Variants in AGAP1 observed in about 807,000 individuals in gnomAD.
AGAP1 encodes the protein arf-GAP with GTPase, ANK repeat and PH domain-containing protein 1.
A neutral mutation model predicts 105.3 loss-of-function variants in AGAP1; 29 were observed. The ratio of observed to expected loss-of-function variants is 0.28; its 90% CI spans 0.21 to 0.38. The LOEUF is 0.38. Among genes scored for constraint, AGAP1 ranks in the 10% least tolerant of loss-of-function variants. The pLI is 1.00. For missense variants in AGAP1, 998 were observed against 1,165.1 expected (o/e 0.86, Z 2.09); for synonymous variants, 509 against 485.9 (o/e 1.05, Z -0.63).
rs1275079702 is a variant in AGAP1 at position 235,635,346 on chromosome 2, G to A, written c.164-73833G>A. 1.3e-5 allele frequency among the ~76,000 whole-genome samples: 2 copies of A among 152,168 alleles called. No individual in the cohort carries two copies. The highest frequency in any genetic ancestry group is 4.8e-5 in the African/African-American group (2 of 41,442). The stretch of plus-strand genomic sequence containing the variant: ...AGCTGCGCACAGTCTCCTTGTACAA[G>A]CAGGACATTTCTCCGTTTCTCCTTT... On this transcript the variant is annotated intron_variant, in intron 1 of 17. Coordinates refer to ENST00000304032, the MANE Select transcript of AGAP1 (RefSeq NM_001037131.3). The surrounding 1 kb of genome is among the most constrained non-coding windows in gnomAD (Gnocchi z 5.3).
rs1195084516 is a variant in AGAP1, at chr2:236,096,477, G to C, written c.2115-23715G>C. Among the ~76,000 whole-genome samples, 2 of 151,588 alleles carry C rather than the reference G, an allele frequency of 1.3e-5. No individual in the cohort carries two copies. Among genetic ancestry groups the C allele is most frequent in the Admixed American group, 6.6e-5 (1 of 15,210 alleles). ...GATCGCACCACTGCACTCCAGCCTTGGGGACAGAGTGAGCCTCCATCTCAA... is the reference window on the plus strand; with the variant it reads ...GATCGCACCACTGCACTCCAGCCTTCGGGACAGAGTGAGCCTCCATCTCAA... On this transcript the variant is annotated intron_variant, in intron 16 of 17. Transcript: ENST00000304032. The surrounding 1 kb of genome is among the most constrained non-coding windows in gnomAD (Gnocchi z 4.4).
rs574921999 is a variant in AGAP1 at position 235,843,451 on chromosome 2, A to T, written c.1050+36120A>T. Among the ~76,000 whole-genome samples, 1 of 151,938 alleles carries T rather than the reference A, an allele frequency of 6.6e-6. No homozygotes were observed. The highest frequency in any genetic ancestry group is 1.5e-5 in the Non-Finnish European group (1 of 67,984). On this transcript the variant is annotated intron_variant, in intron 9 of 17. Transcript: ENST00000304032. The surrounding 1 kb of genome is among the most constrained non-coding windows in gnomAD (Gnocchi z 5.9). ...GGCCCCACTTTCTTCCTGGAAAGGT[A>T]TTTTCTGGGGCCAGGGAGCAATGTT... is the stretch of plus-strand genomic sequence containing the variant.
intron 7 of AGAP1, among the ~76,000 whole-genome samples, chr2:235,798,237 A>G (rs913699429): frequency 3.3e-5 from 5 of 152,156 alleles, no homozygotes; most frequent in African/African-American, 1.2e-4. Flanking sequence ...TTAATGGCCA[A>G]TCTCGCTTTA....
At chr2:235,624,252 C>T (rs189841259) in intron 1 of AGAP1, among the ~76,000 whole-genome samples, 132 of 152,308 alleles carry the variant, frequency 8.7e-4, no homozygotes, top group African/African-American at 2.9e-3. Flanking sequence ...GTATGTTGTG[C>T]GTGTTGGTGT....
chr2:236,048,485 A>G (rs1271654839), intron 15 of AGAP1, among the ~76,000 whole-genome samples: 4 of 152,356 alleles, frequency 2.6e-5, no homozygotes, highest in Middle Eastern at 3.4e-3. Flanking sequence ...TTCAGTAGCT[A>G]TAGTTAAATA....
At chr2:235,671,445 C>T (rs956688348) in intron 1 of AGAP1, among the ~76,000 whole-genome samples, 6 of 152,192 alleles carry the variant, frequency 3.9e-5, no homozygotes, top group African/African-American at 1.2e-4. Flanking sequence ...CGCCGCCGCA[C>T]AGGTGCGGCT....
intron 16 of AGAP1, among the ~76,000 whole-genome samples, chr2:236,060,068 G>A (rs1259205233): frequency 1.3e-5 from 2 of 152,166 alleles, no homozygotes; most frequent in African/African-American, 4.8e-5. Context: ...TCCAGCCTGG[G>A]TGACAGAGCA....
At chr2:235,917,165 TC>T (rs952589384) in intron 11 of AGAP1, among the ~76,000 whole-genome samples, 3 of 151,768 alleles carry the variant, frequency 2.0e-5, no homozygotes, top group African/African-American at 4.8e-5. Context: ...CTCCTCTACA[TC>T]CCCCCCTTCC....
intron 16 of AGAP1, among the ~76,000 whole-genome samples, chr2:236,077,859 A>G (rs897032853): frequency 1.3e-5 from 2 of 152,186 alleles, no homozygotes; most frequent in Admixed American, 6.5e-5. Flanking sequence ...TATTGATCCA[A>G]CATCACTGTG....
chr2:235,682,806 G>A (rs971382510), intron 1 of AGAP1, among the ~76,000 whole-genome samples: 3 of 151,714 alleles, frequency 2.0e-5, no homozygotes, highest in Admixed American at 6.6e-5. Flanking sequence ...ACGTGTGTGT[G>A]TGTGTGTGTG....
At chr2:235,558,567 A>C (rs978222590) in intron 1 of AGAP1, among the ~76,000 whole-genome samples, 1 of 152,092 alleles carries the variant, frequency 6.6e-6, no homozygotes, top group Non-Finnish European at 1.5e-5. Flanking sequence ...CGTAGCCTTC[A>C]GGAGAAATAA....
At chr2:235,856,901 C>T (rs909544599) in intron 9 of AGAP1, among the ~76,000 whole-genome samples, 12 of 152,376 alleles carry the variant, frequency 7.9e-5, no homozygotes, top group East Asian at 1.9e-4. Context: ...TTGGTTCCCA[C>T]GCTGCGGTCC....
rs2057593904 is a variant in AGAP1 at position 236,042,834 on chromosome 2, G to A, written c.1891+1993G>A. Among the ~76,000 whole-genome samples the A allele has an allele frequency of 1.3e-5, 2 of 152,194 alleles. No individual in the cohort carries two copies. Among genetic ancestry groups the A allele is most frequent in the South Asian group, 4.1e-4 (2 of 4,834 alleles). ...GAGTTTGACAATTCAGGAGAAAGAG[G>A]CGATACCAAGCACGCATTTGCTAAA... On this transcript the variant is annotated intron_variant, in intron 15 of 17. Transcript: ENST00000304032. This position sits in a 1 kb window ranked among gnomAD's most constrained non-coding sequence, Gnocchi z 5.6.
intron 1 of AGAP1, among the ~76,000 whole-genome samples, chr2:235,547,753 A>G (rs1304642004): frequency 6.6e-6 from 1 of 152,140 alleles, no homozygotes; most frequent in Non-Finnish European, 1.5e-5. Flanking sequence ...TCAGCCTCCC[A>G]CAGTGCTGGG....
rs111162842 is a variant in AGAP1, at chr2:235,999,356, A to T, written c.1645+30733A>T. ...GATGATGATAGTGGTGATGGTGATG[A>T]TGGTAGCATGATGACCAATATGGTA... is the stretch of plus-strand genomic sequence containing the variant. On this transcript the variant is annotated intron_variant, in intron 13 of 17. Transcript: ENST00000304032. Among the ~76,000 whole-genome samples the T allele has an allele frequency of 0.014, 1,654 of 122,416 alleles. 69 individuals carry two copies. The East Asian group carries it at 0.17, about 13-fold the overall frequency. 80.3% of individuals were successfully genotyped at this position (122,416 alleles called of 152,430 possible). A position where few individuals can be genotyped will look rare whatever the true frequency, so the allele number is the denominator to read the frequency against.
chr2:235,740,178 C>T lies in AGAP1; in HGVS notation c.311-785C>T, dbSNP rs1034997567. 6.6e-6 allele frequency among the ~76,000 whole-genome samples: 1 copy of T among 152,124 alleles called. No homozygotes were observed. The highest frequency in any genetic ancestry group is 1.9e-4 in the East Asian group (1 of 5,168). ...CCCAGCAGGAGCAGGGCTGGCCTAGCGGGCCGGGCTGGGCACTGCAGCAAC... is the reference window on the plus strand; with the variant it reads ...CCCAGCAGGAGCAGGGCTGGCCTAGTGGGCCGGGCTGGGCACTGCAGCAAC... On this transcript the variant is annotated intron_variant, in intron 3 of 17. Transcript: ENST00000304032. This position sits in a 1 kb window ranked among gnomAD's most constrained non-coding sequence, Gnocchi z 5.7.
chr2:235,677,959 C>CAAAAAAAAAAAAAAAAAAAA (rs1448333130), intron 1 of AGAP1, among the ~76,000 whole-genome samples: 2 of 67,346 alleles, frequency 3.0e-5, no homozygotes, highest in African/African-American at 4.9e-5. Context: ...AAAAAAAAAG[C>CAAAAAAAAAAAAAAAAAAAA]AAAACCAGTT....
intron 1 of AGAP1, among the ~76,000 whole-genome samples, chr2:235,572,231 T>C (rs1425641014): frequency 1.3e-5 from 2 of 151,806 alleles, no homozygotes; most frequent in Non-Finnish European, 2.9e-5. Context: ...GCCCTGTGTG[T>C]GTGTCAGCTG....
intron 13 of AGAP1, among the ~76,000 whole-genome samples, chr2:235,974,639 G>T (rs1252664738): frequency 6.6e-6 from 1 of 152,202 alleles, no homozygotes; most frequent in Admixed American, 6.5e-5. Context: ...TCACAAACGG[G>T]CCTCTCACTG....
Sources: gnomAD v4.1 joint callset for allele counts (sites outside exome capture counted in the v4.1 genomes callset) on GRCh38, gnomAD v4.1.1 for gene constraint, Gnocchi (gnomAD v3.1) non-coding constraint, MANE v1.5 for transcripts, NCBI Gene and HGNC (gene_info 2026-07-23, HGNC 2026-07-21) for gene names.